The following BRWD3 variants were observed in gnomAD, a reference collection of about 807,000 sequenced individuals.
The protein encoded by BRWD3 is bromodomain and WD repeat domain containing 3.
Under a neutral mutation model 149.7 loss-of-function variants are expected in BRWD3, and 10 were observed. The observed-to-expected ratio is 0.07, with a 90% CI of 0.04 to 0.11. The LOEUF (loss-of-function observed/expected upper bound fraction) is 0.11. BRWD3 is among the 10% of genes least tolerant of loss of function. BRWD3 has a pLI of 1.00. For synonymous variants in BRWD3, 504 were observed against 456.7 expected (o/e 1.10, Z -1.32); for missense variants, 940 against 1,373.2 (o/e 0.68, Z 4.99).
chrX:80,769,238 A>G (rs906669447), intron 6 of BRWD3, among the ~76,000 whole-genome samples: 1 of 111,659 alleles, frequency 9.0e-6, no homozygotes, highest in Non-Finnish European at 1.9e-5. Context: ...TGCAACAAGC[A>G]GACCTAATAG....
At chrX:80,686,165 AC>A (rs1292968661) in intron 35 of BRWD3, among the ~76,000 whole-genome samples, 1 of 108,537 alleles carries the variant, frequency 9.2e-6, no homozygotes, top group African/African-American at 3.4e-5. Context: ...TATCTCAAGG[AC>A]AAAAAACCAA....
chrX:80,717,599 G>C lies in BRWD3; in HGVS notation c.2205C>G (p.Val735=), dbSNP rs1185234592. ...DLMAWSRRVV[V]NELNNGVSRV... ...TACTAACCCCATTATTTAGTTCATT[G>C]ACCACCACTCTTCTGCTCCACGCCA... The change falls in exon 19 of 41, where the codon GTC becomes GTG. Residue 735 remains valine (V), a synonymous_variant. Transcript: ENST00000373275. The C allele has an allele frequency of 9.1e-6, 11 of 1,208,295 alleles. No individual in the cohort carries two copies. The highest frequency in any genetic ancestry group is 1.2e-5 in the Non-Finnish European group (11 of 894,460).
At chrX:80,725,139 G>T in intron 14 of BRWD3, 72 bp from the exon 15 acceptor site, 1 of 1,054,769 alleles carries the variant, frequency 9.5e-7, no homozygotes, top group Non-Finnish European at 1.3e-6. Flanking sequence ...AAGGTCTTCA[G>T]TGTGCTATCA....
chrX:80,701,730 T>C (rs933070604), intron 24 of BRWD3, among the ~76,000 whole-genome samples: 2 of 109,055 alleles, frequency 1.8e-5, no homozygotes, highest in African/African-American at 6.6e-5. Flanking sequence ...AATTAGTAAA[T>C]AAAATAATTG....
At chrX:80,696,519 T>TACACAC (rs560341387) in intron 26 of BRWD3, among the ~76,000 whole-genome samples, 1,089 of 82,120 alleles carry the variant, frequency 0.013, 9 homozygotes, top group East Asian at 0.02. Flanking sequence ...ATAACATAAA[T>TACACAC]ACACACACAC....
chrX:80,767,302 C>T (rs2073874295), intron 6 of BRWD3, among the ~76,000 whole-genome samples: 1 of 111,521 alleles, frequency 9.0e-6, no homozygotes, highest in Admixed American at 9.5e-5. Context: ...CCATTAGGGG[C>T]CAACAACACC....
Position 80,766,373 on chromosome X carries a change from C to T in BRWD3, c.431-20644G>A, listed in dbSNP as rs766816780. Among the ~76,000 whole-genome samples, 15 of 111,079 alleles carry T rather than the reference C, an allele frequency of 1.4e-4. No individual in the cohort carries two copies. The East Asian group carries it at 2.3e-3, about 17-fold the overall frequency. On this transcript the variant is annotated intron_variant, in intron 6 of 40. Transcript: ENST00000373275. ...TAGGACTTCTCAGCCTCCATAATCA[C>T]ATAAACGACTTCCTTATAATAAATA...
chrX:80,776,926 CTT>C (rs2074005271), intron 6 of BRWD3, among the ~76,000 whole-genome samples: 1 of 111,211 alleles, frequency 9.0e-6, no homozygotes, highest in African/African-American at 3.3e-5. Context: ...GTAAAACAAA[CTT>C]TACAAAAAGT....
chrX:80,689,718 C>CA, intron 33 of BRWD3, 50 bp downstream of exon 33: 1 of 1,058,456 alleles, frequency 9.4e-7, no homozygotes, highest in Admixed American at 2.2e-5. Context: ...TACTGTACTT[C>CA]AAATAAGAGA....
rs1394571605 is a variant in BRWD3 at position 80,669,611 on chromosome X, G to C, written c.*6998C>G. ...CAAATTTCATTTAAACATATTGTAA[G>C]CTTTTTTTTAAAAGCCAAGGGAGGA... On this transcript the variant is annotated 3_prime_UTR_variant, in exon 41 of 41. Coordinates refer to ENST00000373275, the MANE Select transcript of BRWD3 (RefSeq NM_153252.5). Among the ~76,000 whole-genome samples the C allele has an allele frequency of 9.0e-6, 1 of 111,322 alleles. No homozygotes were observed. Among genetic ancestry groups the C allele is most frequent in the Non-Finnish European group, 1.9e-5 (1 of 52,952 alleles).
Position 80,719,485 on chromosome X carries a change from T to A in BRWD3, c.2044+4A>T. The A allele has an allele frequency of 1.7e-6, 2 of 1,200,621 alleles. No individual in the cohort carries two copies. The highest frequency in any genetic ancestry group is 2.3e-6 in the Non-Finnish European group (2 of 885,832). ...ACACCCTTTACAAGTATAAAAATAC[T>A]TACCACCATTAACAGAGTATGCTCT... On this transcript the variant is annotated splice_donor_region_variant and intron_variant, in intron 18 of 40. Transcript: ENST00000373275.
At chrX:80,809,129 G>GT (rs1458137494) in intron 2 of BRWD3, 87 bp from the exon 3 acceptor site, 55 of 1,143,760 alleles carry the variant, frequency 4.8e-5, no homozygotes, top group Admixed American at 2.3e-4. Context: ...GCCGCTGACC[G>GT]TTTGACTAGT....
chrX:80,709,950 A>G, intron 20 of BRWD3: 5 of 967,733 alleles, frequency 5.2e-6, no homozygotes, highest in South Asian at 3.9e-5. Context: ...TATGACAATG[A>G]TATCATTGTC....
chrX:80,678,697 G>A (rs898778590), intron 40 of BRWD3, among the ~76,000 whole-genome samples: 7 of 111,304 alleles, frequency 6.3e-5, no homozygotes, highest in Non-Finnish European at 5.7e-5. Flanking sequence ...CAAAGAAAAT[G>A]GAGGACCAGC....
intron 6 of BRWD3, among the ~76,000 whole-genome samples, chrX:80,775,454 T>C (rs1166121650): frequency 8.9e-6 from 1 of 111,968 alleles, no homozygotes; most frequent in East Asian, 2.8e-4. Context: ...CCAATTCCTA[T>C]CATATTATCT....
intron 15 of BRWD3, 121 bp downstream of exon 15, chrX:80,724,812 T>C (rs1251828210): frequency 1.3e-6 from 1 of 796,089 alleles, no homozygotes; most frequent in Non-Finnish European, 1.8e-6. Flanking sequence ...CTGAAATATT[T>C]AACCAATTTA....
chrX:80,734,347 T>C, intron 10 of BRWD3, 129 bp from the exon 11 acceptor site: 1 of 491,759 alleles, frequency 2.0e-6, no homozygotes, highest in Non-Finnish European at 3.6e-6. Context: ...GTCTTCTAAT[T>C]ATTGGAGACA....
chrX:80,686,913 G>A lies in BRWD3; in HGVS notation c.3955C>T (p.Arg1319Cys), dbSNP rs770966518. 5.8e-6 allele frequency: 7 copies of A among 1,209,111 alleles called. No homozygotes were observed. The South Asian group carries it at 7.0e-5, about 12-fold the overall frequency. Reference sequence around the variant, plus strand: ...TGTCGAAATGGCTCCGAGTCTTCACGTTCATAAATGAGGCTCAATAGTTCC... The same window carrying A: ...TGTCGAAATGGCTCCGAGTCTTCACATTCATAAATGAGGCTCAATAGTTCC... ...CKELLSLIYE[R>C]EDSEPFRQPA... The change falls in exon 35 of 41, where the codon CGT (arginine) becomes TGT (cysteine). Residue 1319 changes from arginine (R) to cysteine (C), a missense_variant. Transcript: ENST00000373275.
chrX:80,791,891 T>C lies in BRWD3; in HGVS notation c.393A>G (p.Pro131=), dbSNP rs1367730938. The stretch of plus-strand genomic sequence containing the variant: ...GTTTCACATAATTTACAGGTAGTTC[T>C]GGAGGTCTGCCTCTATGCAGAGCCG... ...AFAALHRGRP[P]ELPVNYVKPP... is the part of the protein sequence containing the mutation. Residue 131 remains proline, a synonymous_variant, in exon 6 of 41, where the codon CCA becomes CCG. Coordinates refer to ENST00000373275, the MANE Select transcript of BRWD3 (RefSeq NM_153252.5). The C allele has an allele frequency of 4.1e-6, 5 of 1,206,958 alleles. No individual in the cohort carries two copies. In the African/African-American group the frequency reaches 8.7e-5, roughly 21 times the overall value.
Sources: allele counts gnomAD v4.1 joint callset (sites outside exome capture counted in the v4.1 genomes callset), GRCh38; gene constraint gnomAD v4.1.1; transcripts MANE v1.5; gene names NCBI Gene and HGNC (gene_info 2026-07-23, HGNC 2026-07-21).